APBA1: variants seen among roughly 807,000 people sequenced by gnomAD.
The protein encoded by APBA1 is amyloid beta precursor protein binding family A member 1, also known as amyloid-beta A4 precursor protein-binding family A member 1.
Under a neutral mutation model 86.6 loss-of-function variants are expected in APBA1, and 55 were observed. The ratio of observed to expected loss-of-function variants is 0.64; its 90% confidence interval spans 0.51 to 0.80. The LOEUF (loss-of-function observed/expected upper bound fraction) is 0.80, where lower values mean the gene tolerates loss of function less well. APBA1 is among the 30% of genes least tolerant of loss of function. APBA1 has a pLI of 0.00. For synonymous variants in APBA1, 511 were observed against 493.9 expected (o/e 1.03, Z -0.46); for missense variants, 1,090 against 1,183.0 (o/e 0.92, Z 1.15).
intron 1 of APBA1, among the ~76,000 whole-genome samples, chr9:69,656,824 G>T (rs1276437090): frequency 1.3e-5 from 2 of 148,182 alleles, no homozygotes; most frequent in African/African-American, 2.4e-5. Context: ...CACCACTTAA[G>T]AATAACCGGG....
At chr9:69,619,478 A>G (rs970631097) in intron 1 of APBA1, among the ~76,000 whole-genome samples, 2 of 152,180 alleles carry the variant, frequency 1.3e-5, no homozygotes, top group African/African-American at 4.8e-5. Flanking sequence ...ATAAAGAACA[A>G]ATGAATCTCT....
intron 5 of APBA1, 27 bp from the exon 6 acceptor site, chr9:69,458,215 A>C (rs780657456): frequency 1.9e-6 from 3 of 1,597,664 alleles, no homozygotes; most frequent in Middle Eastern, 1.7e-4. Context: ...AAACAGAGAC[A>C]GGAGAATAGT....
chr9:69,619,800 T>C (rs530686317), intron 1 of APBA1, among the ~76,000 whole-genome samples: 2 of 152,324 alleles, frequency 1.3e-5, no homozygotes, highest in East Asian at 3.9e-4. Context: ...TTATTCGCAT[T>C]GACAGAGGCA....
chr9:69,661,843 C>T (rs1044059537), intron 1 of APBA1, among the ~76,000 whole-genome samples: 2 of 152,086 alleles, frequency 1.3e-5, no homozygotes, highest in African/African-American at 4.8e-5. Context: ...CACACACTCG[C>T]TGTCTTTCCA....
intron 1 of APBA1, among the ~76,000 whole-genome samples, chr9:69,532,840 TC>T (rs1256492402): frequency 6.6e-6 from 1 of 152,206 alleles, no homozygotes. Flanking sequence ...CTTTCTTCCA[TC>T]TATAAAATTG....
At position 69,449,837 on chromosome 9, in the gene APBA1, C is replaced by G. The variant is rs760343243; in HGVS notation, c.1969-41G>C. 13 of 1,559,820 alleles carry G rather than the reference C, an allele frequency of 8.3e-6. No homozygotes were observed. The East Asian group carries it at 2.7e-4, about 33-fold the overall frequency. ...CATTTAGAAAACCTCCATCAGTGACCATCTGGGGTAGGTAGAAATGAAAGC... is the reference window on the plus strand; with the variant it reads ...CATTTAGAAAACCTCCATCAGTGACGATCTGGGGTAGGTAGAAATGAAAGC... On this transcript the variant is annotated intron_variant, in intron 9 of 12. Coordinates refer to ENST00000265381, the MANE Select transcript of APBA1 (RefSeq NM_001163.4).
At chr9:69,494,286 G>C (rs1835760925) in intron 2 of APBA1, 1 of 151,866 alleles carries the variant, frequency 6.6e-6, no homozygotes. Context: ...TTTTCCCACA[G>C]GCAAAGCCCT....
chr9:69,456,484 A>T, intron 7 of APBA1, 52 bp from the exon 8 acceptor site: 1 of 1,513,800 alleles, frequency 6.6e-7, no homozygotes, highest in Non-Finnish European at 8.9e-7. Context: ...CTAATGACCT[A>T]AGAAAGCGCC....
chr9:69,481,784 T>C (rs1276405400), intron 2 of APBA1, among the ~76,000 whole-genome samples: 3 of 151,430 alleles, frequency 2.0e-5, no homozygotes, highest in Admixed American at 6.6e-5. Context: ...TATAGATCAA[T>C]GGAACAGAAC....
intron 1 of APBA1, among the ~76,000 whole-genome samples, chr9:69,556,370 G>T (rs191317401): frequency 3.9e-5 from 6 of 152,210 alleles, no homozygotes; most frequent in Non-Finnish European, 7.4e-5. Context: ...AGTATAAGAA[G>T]GCAGAGAGAT....
chr9:69,475,559 T>C (rs1276293830), intron 3 of APBA1, among the ~76,000 whole-genome samples: 5 of 152,190 alleles, frequency 3.3e-5, no homozygotes, highest in East Asian at 1.9e-4. Flanking sequence ...TGGGAATGTA[T>C]GGCCACTCTA....
rs538450044 is a variant in APBA1 at position 69,491,118 on chromosome 9, C to T, written c.1201-14975G>A. Among the ~76,000 whole-genome samples the T allele has an allele frequency of 1.8e-4, 27 of 152,098 alleles. No individual in the cohort carries two copies. The South Asian group carries it at 5.0e-3, about 28-fold the overall frequency. ...TCCCATTACTGGGTATATACCCAAA[C>T]GATTATAAATCATGCTGCTATAAAG... On this transcript the variant is annotated intron_variant, in intron 2 of 12. Transcript: ENST00000265381.
At chr9:69,520,221 C>T (rs35631039) in intron 1 of APBA1, among the ~76,000 whole-genome samples, 52,691 of 144,986 alleles carry the variant, frequency 0.36, 9,930 homozygotes, top group Non-Finnish European at 0.44. Flanking sequence ...TTTATCCCTA[C>T]ACACAAGAGG....
intron 1 of APBA1, among the ~76,000 whole-genome samples, chr9:69,558,568 A>G (rs986888450): frequency 7.0e-6 from 1 of 142,926 alleles, no homozygotes; most frequent in East Asian, 1.9e-4. Context: ...ACACATATAT[A>G]TATATATATA....
intron 2 of APBA1, among the ~76,000 whole-genome samples, chr9:69,489,251 A>G (rs1045578434): frequency 1.3e-5 from 2 of 152,106 alleles, no homozygotes; most frequent in Non-Finnish European, 2.9e-5. Context: ...ACAGTAACCA[A>G]AACAGCATGG....
At chr9:69,586,439 G>A (rs753332266) in intron 1 of APBA1, among the ~76,000 whole-genome samples, 3 of 152,150 alleles carry the variant, frequency 2.0e-5, no homozygotes, top group Admixed American at 6.5e-5. Flanking sequence ...AACAACGGCT[G>A]GCCTCCAGTT....
chr9:69,443,107 T>C (rs888770300), intron 10 of APBA1, among the ~76,000 whole-genome samples: 14 of 152,146 alleles, frequency 9.2e-5, no homozygotes, highest in Non-Finnish European at 2.1e-4. Flanking sequence ...CCAGCAGGTG[T>C]ACACCAATGG....
In APBA1 at chr9:69,432,696, A is replaced by T; in HGVS notation, c.2302-20T>A. On this transcript the variant is annotated intron_variant, in intron 11 of 12. Coordinates refer to ENST00000265381, the MANE Select transcript of APBA1 (RefSeq NM_001163.4). The stretch of plus-strand genomic sequence containing the variant: ...GCAGATCTGCCAGAGTCAAAGGCAG[A>T]GTTACCCTCATTGCAGACAGTGCGG... 1 of 1,534,868 alleles carries T rather than the reference A, an allele frequency of 6.5e-7. No individual in the cohort carries two copies. Among genetic ancestry groups the T allele is most frequent in the Non-Finnish European group, 8.7e-7 (1 of 1,144,078 alleles).
chr9:69,483,887 A>AAGAGAG (rs1835565529), intron 2 of APBA1, among the ~76,000 whole-genome samples: 3 of 152,030 alleles, frequency 2.0e-5, no homozygotes, highest in Admixed American at 1.3e-4. Flanking sequence ...AACACACACA[A>AAGAGAG]CTTTTATTTG....
Sources: allele counts gnomAD v4.1 joint callset (sites outside exome capture counted in the v4.1 genomes callset), GRCh38; gene constraint gnomAD v4.1.1; transcripts MANE v1.5; gene names NCBI Gene and HGNC (gene_info 2026-07-23, HGNC 2026-07-21).